Variants in GALNT12 observed in about 807,000 individuals in gnomAD.
The protein encoded by GALNT12 is polypeptide N-acetylgalactosaminyltransferase 12.
In GALNT12, 45 loss-of-function variants were observed where a neutral mutation model predicts 55.5. That is an observed-to-expected ratio of 0.81 (90% CI 0.64 to 1.04). GALNT12 has a LOEUF of 1.04. Among genes scored for constraint, GALNT12 ranks in the 50% least tolerant of loss-of-function variants. The pLI, the probability that GALNT12 is intolerant of heterozygous loss-of-function variation, is 0.00. For synonymous variants in GALNT12, 304 were observed against 312.2 expected, an observed-to-expected ratio of 0.97 and a Z score of 0.28; for missense variants, 709 against 754.8, an observed-to-expected ratio of 0.94 and a Z score of 0.71.
chr9:98,842,196 T>G (rs1331999933), intron 7 of GALNT12, among the ~76,000 whole-genome samples: 1 of 152,044 alleles, frequency 6.6e-6, no homozygotes, highest in Non-Finnish European at 1.5e-5. Context: ...CTTTGTATTG[T>G]TTTTTGAGAC....
intron 7 of GALNT12, among the ~76,000 whole-genome samples, chr9:98,841,765 G>A (rs550834724): frequency 2.4e-4 from 36 of 152,104 alleles, no homozygotes; most frequent in Non-Finnish European, 4.0e-4. Flanking sequence ...CTGCCTCATG[G>A]GTTCAAGCAA....
intron 1 of GALNT12, among the ~76,000 whole-genome samples, chr9:98,813,302 C>T (rs1184863826): frequency 1.3e-5 from 2 of 152,224 alleles, no homozygotes; most frequent in East Asian, 1.9e-4. Flanking sequence ...CTATGAGATG[C>T]CTACAGTGAC....
Position 98,848,830 on chromosome 9 carries a change from CACTT to C in GALNT12, c.1606-119_1606-116del, listed in dbSNP as rs994922575. 7.0e-6 allele frequency: 8 copies of C among 1,150,636 alleles called. No homozygotes were observed. The African/African-American group carries it at 1.1e-4, about 15-fold the overall frequency. The allele number at this position is 1,150,636 out of a possible 1,614,324, so 71.3% of individuals were successfully genotyped here. A position where few individuals can be genotyped will look rare whatever the true frequency, so the allele number is the denominator to read the frequency against. ...CTGAGTTGCTGCGTTACACGGAAGA[CACTT>C]ACCCCTCAATAAATATTTCTGAAAT... On this transcript the variant is annotated intron_variant, in intron 9 of 9. Transcript: ENST00000375011.
At position 98,845,825 on chromosome 9, in the gene GALNT12, C is replaced by T. The variant is rs115182642; in HGVS notation, c.1459-152C>T. On this transcript the variant is annotated intron_variant, in intron 8 of 9. Coordinates refer to ENST00000375011, the MANE Select transcript of GALNT12 (RefSeq NM_024642.5). ...GCGGTTCACTGAGGGCTGTGGGATG[C>T]GGAGGAACCCATCACACAGGCTCGT... The T allele has an allele frequency of 9.3e-5, 73 of 782,834 alleles. No homozygotes were observed. In the African/African-American group the frequency reaches 1.0e-3, roughly 11 times the overall value. 48.5% of individuals were successfully genotyped at this position (782,834 alleles called of 1,614,324 possible). A position where few individuals can be genotyped will look rare whatever the true frequency, so the allele number is the denominator to read the frequency against.
In GALNT12 at chr9:98,849,858, G is replaced by A. The variant is rs1273501834; in HGVS notation, c.*766G>A. ...ATATCATTTTTAATTTTTATGATAC[G>A]GTAGTGTCAGGGAGAAATGTAATGT... On this transcript the variant is annotated 3_prime_UTR_variant, in exon 10 of 10. Transcript: ENST00000375011. The A allele has an allele frequency of 9.5e-6, 3 of 315,742 alleles. No homozygotes were observed. Among genetic ancestry groups the A allele is most frequent in the Non-Finnish European group, 1.7e-5 (3 of 175,104 alleles). 19.6% of individuals were successfully genotyped at this position (315,742 alleles called of 1,614,324 possible).
intron 1 of GALNT12, among the ~76,000 whole-genome samples, chr9:98,809,747 A>C (rs939864675): frequency 1.3e-5 from 2 of 152,026 alleles, no homozygotes; most frequent in Non-Finnish European, 2.9e-5. Flanking sequence ...TCATCCAGGG[A>C]TTGGTTGTAG....
At chr9:98,843,619 C>G (rs1836346870) in intron 7 of GALNT12, among the ~76,000 whole-genome samples, 1 of 152,164 alleles carries the variant, frequency 6.6e-6, no homozygotes. Context: ...GTTGGCCAGG[C>G]TGGTCTAGAA....
chr9:98,844,293 T>C (rs1836363969), intron 8 of GALNT12, 84 bp downstream of exon 8: 5 of 921,336 alleles, frequency 5.4e-6, no homozygotes, highest in South Asian at 4.2e-5. Context: ...GTAAAAGTAA[T>C]ATTTGGGAAA....
chr9:98,824,597 G>A (rs561933039), intron 2 of GALNT12, among the ~76,000 whole-genome samples: 17 of 152,292 alleles, frequency 1.1e-4, no homozygotes, highest in South Asian at 8.3e-4. Flanking sequence ...CTGTGACAGC[G>A]TGTAAGCCAG....
intron 1 of GALNT12, among the ~76,000 whole-genome samples, chr9:98,812,863 T>C (rs1240184757): frequency 6.6e-6 from 1 of 152,230 alleles, no homozygotes; most frequent in Admixed American, 6.5e-5. Context: ...AAAGTACATA[T>C]TTAACTCAAC....
chr9:98,811,384 G>A (rs1835491882), intron 1 of GALNT12, among the ~76,000 whole-genome samples: 1 of 152,178 alleles, frequency 6.6e-6, no homozygotes, highest in South Asian at 2.1e-4. Flanking sequence ...GATGATCACT[G>A]TAACATCATT....
In GALNT12 at chr9:98,849,113, C is replaced by G. The variant is rs754080823; in HGVS notation, c.*21C>G. On this transcript the variant is annotated 3_prime_UTR_variant, in exon 10 of 10. Transcript: ENST00000375011. ...TATGAAGCCTCGTGTATCAAGGAGC[C>G]CATCGAAGGAGACTGTGGAGCCAGG... The G allele has an allele frequency of 1.2e-6, 2 of 1,613,774 alleles. No individual in the cohort carries two copies. The highest frequency in any genetic ancestry group is 1.7e-6 in the Non-Finnish European group (2 of 1,179,766).
intron 1 of GALNT12, among the ~76,000 whole-genome samples, chr9:98,818,305 C>T (rs2118322694): frequency 6.6e-6 from 1 of 152,126 alleles, no homozygotes; most frequent in South Asian, 2.1e-4. Flanking sequence ...TGACTGCAAC[C>T]TCCGCCCCCC....
intron 1 of GALNT12, among the ~76,000 whole-genome samples, chr9:98,822,270 C>T (rs1008204548): frequency 1.3e-5 from 2 of 152,228 alleles, no homozygotes; most frequent in South Asian, 2.1e-4. Context: ...CTTCTGGTAT[C>T]CCTGTGGTTT....
chr9:98,844,548 A>G (rs1376763611), intron 8 of GALNT12: 5 of 310,052 alleles, frequency 1.6e-5, no homozygotes, highest in Non-Finnish European at 3.1e-5. Context: ...TTGTACCTGT[A>G]TTACTGTTTC....
At position 98,823,237 on chromosome 9, in the gene GALNT12, A is replaced by T; in HGVS notation, c.372-19A>T. 2 of 1,613,632 alleles carry T rather than the reference A, an allele frequency of 1.2e-6. No individual in the cohort carries two copies. The highest frequency in any genetic ancestry group is 1.7e-6 in the Non-Finnish European group (2 of 1,179,574). On this transcript the variant is annotated intron_variant, in intron 1 of 9. Transcript: ENST00000375011. ...CCTGGGCTAGATCCTGAGTTCCTGA[A>T]GTTCCGCTGTATTTGCAGGTGCAAA...
chr9:98,822,509 C>T (rs1304636736), intron 1 of GALNT12, among the ~76,000 whole-genome samples: 1 of 152,214 alleles, frequency 6.6e-6, no homozygotes, highest in African/African-American at 2.4e-5. Flanking sequence ...CTCAGCCCCA[C>T]CCCACCACAT....
intron 9 of GALNT12, among the ~76,000 whole-genome samples, chr9:98,846,597 C>T (rs565979008): frequency 3.8e-4 from 58 of 152,170 alleles, no homozygotes; most frequent in African/African-American, 1.3e-3. Flanking sequence ...CAGTGGCTGA[C>T]GCCTGTAATC....
At chr9:98,845,901 G>C (rs956715621) in intron 8 of GALNT12, 76 bp from the exon 9 acceptor site, 2 of 1,522,044 alleles carry the variant, frequency 1.3e-6, no homozygotes, top group Non-Finnish European at 9.0e-7. Context: ...GTGATCCCAG[G>C]TTCTTGTCCA....
Sources: gnomAD v4.1 joint callset for allele counts (sites outside exome capture counted in the v4.1 genomes callset) on GRCh38, gnomAD v4.1.1 for gene constraint, MANE v1.5 for transcripts, NCBI Gene and HGNC (gene_info 2026-07-23, HGNC 2026-07-21) for gene names.